Variants in PPIL6 observed in about 807,000 individuals in gnomAD.
PPIL6 encodes peptidylprolyl isomerase like 6.
Under a neutral mutation model 36.8 loss-of-function variants are expected in PPIL6, and 39 were observed. That is an observed-to-expected ratio of 1.06 (90% CI 0.82 to 1.38). The LOEUF (loss-of-function observed/expected upper bound fraction) is 1.38, where lower values mean the gene tolerates loss of function less well. Among genes scored for constraint, PPIL6 ranks in the 40% most tolerant of loss-of-function variants. The probability of loss-of-function intolerance (pLI) is 0.00; values close to 1 mark genes in which losing one functional copy is unlikely to be tolerated. For synonymous variants in PPIL6, 123 were observed against 134.1 expected (o/e 0.92, Z 0.57); for missense variants, 368 against 379.1 (o/e 0.97, Z 0.24).
intron 5 of PPIL6, among the ~76,000 whole-genome samples, chr6:109,420,999 T>C (rs1327724489): frequency 6.6e-6 from 1 of 152,234 alleles, no homozygotes; most frequent in Non-Finnish European, 1.5e-5. Flanking sequence ...GGCTGAAGGC[T>C]GAATCTGGAA....
intron 2 of PPIL6, among the ~76,000 whole-genome samples, chr6:109,435,098 G>A (rs2115290696): frequency 6.6e-6 from 1 of 152,264 alleles, no homozygotes. Context: ...CTGTCTCTGT[G>A]ATGTACACCA....
rs1475483109 is a variant in PPIL6 at position 109,431,323 on chromosome 6, TC to T, written c.253del (p.Glu85AsnfsTer6). ...KKRELKNETW[E>X]YSSSVISFVN... Reference sequence around the variant, plus strand: ...AAAAGAAATCACAGAGGAAGAATATTCCCAGGTTTCATTTTTGAGTTCCTGT... The same window carrying T: ...AAAAGAAATCACAGAGGAAGAATATTCCAGGTTTCATTTTTGAGTTCCTGT... On this transcript the variant is annotated frameshift_variant, in exon 3 of 8. Coordinates refer to ENST00000521072, the MANE Select transcript of PPIL6 (RefSeq NM_173672.5). LOFTEE classifies it high-confidence loss of function. 1 of 1,536,580 alleles carries T rather than the reference TC, an allele frequency of 6.5e-7. No individual in the cohort carries two copies. Among genetic ancestry groups the T allele is most frequent in the Non-Finnish European group, 8.8e-7 (1 of 1,135,752 alleles).
intron 1 of PPIL6, among the ~76,000 whole-genome samples, chr6:109,438,120 C>T (rs1562277089): frequency 6.6e-6 from 1 of 152,020 alleles, no homozygotes; most frequent in South Asian, 2.1e-4. Flanking sequence ...TGTCTCAATA[C>T]ATATAATGTA....
At chr6:109,440,925 T>G, upstream of PPIL6, 5 of 587,046 alleles carry the variant, frequency 8.5e-6, no homozygotes, top group East Asian at 9.6e-5. Context: ...GCCCGCCTGA[T>G]TGGGAACAGC....
At chr6:109,432,693 C>A (rs1276403594) in intron 2 of PPIL6, among the ~76,000 whole-genome samples, 1 of 152,122 alleles carries the variant, frequency 6.6e-6, no homozygotes, top group African/African-American at 2.4e-5. Context: ...AATTCCTGGG[C>A]TCAAGATCCT....
At chr6:109,440,346 G>A (rs1774761660) in intron 1 of PPIL6, 110 bp downstream of exon 1, 2 of 1,333,702 alleles carry the variant, frequency 1.5e-6, no homozygotes, top group Admixed American at 2.0e-5. Context: ...TTCCTCGGCC[G>A]GTGGGGCCTC....
At chr6:109,405,015 T>G in intron 6 of PPIL6, 1 of 371,340 alleles carries the variant, frequency 2.7e-6, no homozygotes, top group South Asian at 2.0e-5. Flanking sequence ...GATCACGCCA[T>G]TGCACTCCAG....
intron 6 of PPIL6, among the ~76,000 whole-genome samples, chr6:109,410,816 A>G (rs977296584): frequency 6.6e-6 from 1 of 152,176 alleles, no homozygotes; most frequent in African/African-American, 2.4e-5. Context: ...GGATCAGAAC[A>G]TATAAGGGAA....
chr6:109,392,148 CTG>C lies in PPIL6; in HGVS notation c.*676_*677del, dbSNP rs1772117389. On this transcript the variant is annotated 3_prime_UTR_variant, in exon 8 of 8. Transcript: ENST00000521072. ...GGTATTGGTCCCGCAGCTCAAGAGACTGGGGCTGACATCTCTGCAGTACTTGG... is the reference window on the plus strand; with the variant it reads ...GGTATTGGTCCCGCAGCTCAAGAGACGGGCTGACATCTCTGCAGTACTTGG... The C allele has an allele frequency of 6.6e-6, 1 of 152,106 alleles. No homozygotes were observed. The highest frequency in any genetic ancestry group is 2.4e-5 in the African/African-American group (1 of 41,374). 9.4% of individuals were successfully genotyped at this position (152,106 alleles called of 1,614,324 possible). A position where few individuals can be genotyped will look rare whatever the true frequency, so the allele number is the denominator to read the frequency against.
intron 6 of PPIL6, among the ~76,000 whole-genome samples, chr6:109,415,356 A>C (rs957308976): frequency 2.6e-5 from 4 of 152,186 alleles, no homozygotes; most frequent in African/African-American, 9.7e-5. Flanking sequence ...CAGATTGTCT[A>C]GTGTCAGTTT....
chr6:109,430,673 C>CTT (rs1774094135), intron 3 of PPIL6, among the ~76,000 whole-genome samples: 1 of 152,206 alleles, frequency 6.6e-6, no homozygotes, highest in South Asian at 2.1e-4. Context: ...GATCCACCTG[C>CTT]CTTGGCCTCC....
chr6:109,406,007 T>C (rs752531077), intron 6 of PPIL6, among the ~76,000 whole-genome samples: 3 of 152,136 alleles, frequency 2.0e-5, no homozygotes, highest in Admixed American at 6.6e-5. Context: ...TGGTTTTTGT[T>C]GTACAATGCT....
intron 3 of PPIL6, among the ~76,000 whole-genome samples, chr6:109,427,537 C>A (rs1383922327): frequency 2.0e-5 from 3 of 152,086 alleles, no homozygotes; most frequent in Non-Finnish European, 4.4e-5. Context: ...ACATGCACCA[C>A]CACCAGGCCC....
rs142514987 is a variant in PPIL6 at position 109,430,451 on chromosome 6, C to T, written c.420+706G>A. On this transcript the variant is annotated intron_variant, in intron 3 of 7. Coordinates refer to ENST00000521072, the MANE Select transcript of PPIL6 (RefSeq NM_173672.5). ...TTCATGCTTTTTTTTTTTTTTGAGA[C>T]GGAGTCTCGCTCTGCACCAGGCTGG... Among the ~76,000 whole-genome samples, 332 of 150,048 alleles carry T rather than the reference C, an allele frequency of 2.2e-3. 11 individuals are homozygous for T. The East Asian group carries it at 0.049, about 22-fold the overall frequency.
At chr6:109,401,609 C>T (rs988542269) in intron 6 of PPIL6, among the ~76,000 whole-genome samples, 1 of 151,880 alleles carries the variant, frequency 6.6e-6, no homozygotes, top group African/African-American at 2.4e-5. Flanking sequence ...ACAAATGAGT[C>T]TATATAATTA....
At chr6:109,437,473 G>A (rs1774508867) in intron 1 of PPIL6, among the ~76,000 whole-genome samples, 1 of 151,790 alleles carries the variant, frequency 6.6e-6, no homozygotes, top group Non-Finnish European at 1.5e-5. Flanking sequence ...AGCAATAGCT[G>A]ACGCATCTTG....
At chr6:109,437,934 CAT>C (rs376793099) in intron 1 of PPIL6, among the ~76,000 whole-genome samples, 43 of 152,300 alleles carry the variant, frequency 2.8e-4, no homozygotes, top group South Asian at 4.1e-4. Flanking sequence ...AAATGAAACA[CAT>C]GTCTTTTTAG....
At chr6:109,420,084 A>C (rs1773462661) in intron 5 of PPIL6, among the ~76,000 whole-genome samples, 1 of 152,118 alleles carries the variant, frequency 6.6e-6, no homozygotes, top group Non-Finnish European at 1.5e-5. Flanking sequence ...CTGTAATCCC[A>C]GCACTTTGGG....
chr6:109,392,962 A>AT, intron 7 of PPIL6, 25 bp from the exon 8 acceptor site: 1 of 1,386,416 alleles, frequency 7.2e-7, no homozygotes, highest in Non-Finnish European at 1.0e-6. Flanking sequence ...AAAATGGAAA[A>AT]TTTAGTCAGT....
Sources: allele counts gnomAD v4.1 joint callset (sites outside exome capture counted in the v4.1 genomes callset), GRCh38; gene constraint gnomAD v4.1.1; transcripts MANE v1.5; gene names NCBI Gene and HGNC (gene_info 2026-07-23, HGNC 2026-07-21).